The following SAMD4A variants were observed in gnomAD, a reference collection of about 807,000 sequenced individuals.
SAMD4A encodes the protein sterile alpha motif domain containing 4A, also known as protein Smaug homolog 1.
In SAMD4A, 33 loss-of-function variants were observed where a neutral mutation model predicts 81.3. The ratio of observed to expected loss-of-function variants is 0.41; its 90% CI spans 0.31 to 0.54. The LOEUF (loss-of-function observed/expected upper bound fraction) is 0.54. Among genes scored for constraint, SAMD4A ranks in the 20% least tolerant of loss-of-function variants. The pLI is 0.37. For synonymous variants in SAMD4A, 389 were observed against 382.1 expected (o/e 1.02, Z -0.21); for missense variants, 854 against 951.1 (o/e 0.90, Z 1.34).
At chr14:54,751,387 A>G in intron 5 of SAMD4A, 64 bp from the exon 6 acceptor site, 2 of 1,083,856 alleles carry the variant, frequency 1.8e-6, no homozygotes, top group Non-Finnish European at 2.8e-6. Context: ...AAGAATCTGT[A>G]AGCTGATTCT....
chr14:54,732,794 T>G (rs1269320048), intron 3 of SAMD4A, among the ~76,000 whole-genome samples: 2 of 152,148 alleles, frequency 1.3e-5, no homozygotes, highest in Non-Finnish European at 2.9e-5. Context: ...ATCCCAGACT[T>G]TCTTCCATCC....
rs2035662896 is a variant in SAMD4A at position 54,662,414 on chromosome 14, A to AC, written c.197-39648_197-39647insC. Among the ~76,000 whole-genome samples, 6 of 118,670 alleles carry AC rather than the reference A, an allele frequency of 5.1e-5. No homozygotes were observed. The South Asian group carries it at 1.6e-3, about 32-fold the overall frequency. 77.9% of individuals were successfully genotyped at this position (118,670 alleles called of 152,430 possible). ...GGGACACTTATTTTTTTTTTTTTTC[A>AC]TTTTTTTTTTCCTGAGACGGAGTCT... On this transcript the variant is annotated intron_variant, in intron 2 of 12. Transcript: ENST00000554335.
chr14:54,720,185 T>C lies in SAMD4A; in HGVS notation c.716-16839T>C, dbSNP rs576933148. Among the ~76,000 whole-genome samples, 12 of 152,314 alleles carry C rather than the reference T, an allele frequency of 7.9e-5. No individual in the cohort carries two copies. The South Asian group carries it at 1.0e-3, about 13-fold the overall frequency. On this transcript the variant is annotated intron_variant, in intron 3 of 12. Transcript: ENST00000554335. ...TTCAAATTCCGAGAGTTCTTTTTTG[T>C]CTTTTTAAGGTTCCTTTTTGTATTG...
chr14:54,664,939 A>G lies in SAMD4A; in HGVS notation c.197-37123A>G, dbSNP rs186663080. 2.4e-4 allele frequency among the ~76,000 whole-genome samples: 36 copies of G among 152,168 alleles called. No individual in the cohort carries two copies. In the East Asian group the frequency reaches 2.9e-3, roughly 12 times the overall value. On this transcript the variant is annotated intron_variant, in intron 2 of 12. Coordinates refer to ENST00000554335, the MANE Select transcript of SAMD4A (RefSeq NM_015589.6). ...CACTTATTTCTCCTAAAGTGAGATC[A>G]GGTTGTAGTGAAACAAATCTTATTT...
intron 2 of SAMD4A, among the ~76,000 whole-genome samples, chr14:54,670,412 T>G (rs2035854827): frequency 1.3e-5 from 2 of 152,162 alleles, no homozygotes; most frequent in Non-Finnish European, 2.9e-5. Context: ...CTTTCTTAAC[T>G]CTTACAGAAA....
chr14:54,589,427 TTTTGG>T (rs2033715192), intron 2 of SAMD4A, among the ~76,000 whole-genome samples: 1 of 152,208 alleles, frequency 6.6e-6, no homozygotes, highest in Non-Finnish European at 1.5e-5. Context: ...TGTTGATTTT[TTTTGG>T]ACCATTCTGC....
At chr14:54,744,161 T>C (rs945946100) in intron 4 of SAMD4A, among the ~76,000 whole-genome samples, 8 of 152,222 alleles carry the variant, frequency 5.3e-5, no homozygotes, top group Admixed American at 3.3e-4. Flanking sequence ...AGGCTGTTCA[T>C]GTTTCTGTCT....
chr14:54,627,660 C>T (rs992462021), intron 2 of SAMD4A, among the ~76,000 whole-genome samples: 1 of 152,202 alleles, frequency 6.6e-6, no homozygotes, highest in African/African-American at 2.4e-5. Context: ...CTTTCGGTTA[C>T]CAGGCAGTTT....
chr14:54,662,816 G>A (rs1434490339), intron 2 of SAMD4A, among the ~76,000 whole-genome samples: 3 of 152,120 alleles, frequency 2.0e-5, no homozygotes, highest in Non-Finnish European at 2.9e-5. Context: ...ATGGCCCTGC[G>A]ATTCCTACAC....
chr14:54,676,098 A>C (rs1308451704), intron 2 of SAMD4A, among the ~76,000 whole-genome samples: 1 of 152,356 alleles, frequency 6.6e-6, no homozygotes, highest in South Asian at 2.1e-4. Flanking sequence ...ACTAAGAAAG[A>C]TGGAGAACAA....
chr14:54,789,064 T>G lies in SAMD4A; in HGVS notation c.*120T>G. On this transcript the variant is annotated 3_prime_UTR_variant, in exon 13 of 13. Transcript: ENST00000554335. ...ACTTTGCAGCCTTTTTTCCCCCTGG[T>G]CCCTCTCCCGTTTTGATTTTGTGAG... 9.0e-7 allele frequency: 1 copy of G among 1,115,616 alleles called. No individual in the cohort carries two copies. 69.1% of individuals were successfully genotyped at this position (1,115,616 alleles called of 1,614,324 possible). A position where few individuals can be genotyped will look rare whatever the true frequency, so the allele number is the denominator to read the frequency against.
intron 7 of SAMD4A, among the ~76,000 whole-genome samples, chr14:54,762,759 C>T (rs917102626): frequency 6.6e-6 from 1 of 152,196 alleles, no homozygotes; most frequent in African/African-American, 2.4e-5. Context: ...CTCCCCCAAC[C>T]CCAAACCCTG....
intron 2 of SAMD4A, among the ~76,000 whole-genome samples, chr14:54,649,938 A>G (rs1250969055): frequency 1.3e-5 from 2 of 152,144 alleles, no homozygotes; most frequent in East Asian, 3.9e-4. Context: ...TTCTTAGTCT[A>G]CTTAGACTTT....
intron 2 of SAMD4A, among the ~76,000 whole-genome samples, chr14:54,614,890 G>A (rs985955910): frequency 6.6e-6 from 1 of 152,222 alleles, no homozygotes; most frequent in Non-Finnish European, 1.5e-5. Flanking sequence ...TCAGAGGGGA[G>A]ACCAGGATGG....
intron 2 of SAMD4A, chr14:54,652,865 T>C (rs1196891693): frequency 6.6e-6 from 1 of 152,194 alleles, no homozygotes; most frequent in African/African-American, 2.4e-5. Flanking sequence ...GAATGGATAT[T>C]GGGAGAGTTA....
intron 3 of SAMD4A, among the ~76,000 whole-genome samples, chr14:54,734,337 G>A (rs1380342691): frequency 6.6e-6 from 1 of 152,206 alleles, no homozygotes. Context: ...GTGCTTGGTT[G>A]CCACAGCACG....
intron 4 of SAMD4A, among the ~76,000 whole-genome samples, chr14:54,744,908 G>T (rs2037930187): frequency 6.6e-6 from 1 of 152,232 alleles, no homozygotes; most frequent in Middle Eastern, 3.4e-3. Flanking sequence ...ATCTCAAATG[G>T]AGTTTACCCT....
At chr14:54,696,696 G>C (rs2036586494) in intron 2 of SAMD4A, 1 of 152,154 alleles carries the variant, frequency 6.6e-6, no homozygotes, top group South Asian at 2.1e-4. Flanking sequence ...CATTGGGACA[G>C]TTTCCTAATC....
chr14:54,722,360 G>A (rs899029539), intron 3 of SAMD4A, among the ~76,000 whole-genome samples: 6 of 152,174 alleles, frequency 3.9e-5, no homozygotes, highest in Non-Finnish European at 7.3e-5. Flanking sequence ...TTGTTTATTT[G>A]ATGTCCTACT....
Sources: gnomAD v4.1 joint callset for allele counts (sites outside exome capture counted in the v4.1 genomes callset) on GRCh38, gnomAD v4.1.1 for gene constraint, MANE v1.5 for transcripts, NCBI Gene and HGNC (gene_info 2026-07-23, HGNC 2026-07-21) for gene names.